The following HCN4 variants were observed in gnomAD, a reference collection of about 807,000 sequenced individuals.
The protein encoded by HCN4 is potassium/sodium hyperpolarization-activated cyclic nucleotide-gated channel 4.
A neutral mutation model predicts 76.9 loss-of-function variants in HCN4; 29 were observed. The ratio of observed to expected loss-of-function variants is 0.38; its 90% CI spans 0.28 to 0.51. The LOEUF is 0.51. Ranked by LOEUF, HCN4 falls within the 20% of genes least tolerant of loss-of-function variation. The probability of loss-of-function intolerance (pLI) is 0.90; values close to 1 mark genes in which losing one functional copy is unlikely to be tolerated. For synonymous variants in HCN4, 772 were observed against 762.5 expected (o/e 1.01, Z -0.21); for missense variants, 1,416 against 1,715.2 (o/e 0.83, Z 3.08).
At chr15:73,352,488 G>T (rs2043059150) in intron 1 of HCN4, among the ~76,000 whole-genome samples, 2 of 152,198 alleles carry the variant, frequency 1.3e-5, no homozygotes, top group African/African-American at 4.8e-5. Context: ...CATTGAAAGT[G>T]GGGGAGAAGG....
intron 1 of HCN4, among the ~76,000 whole-genome samples, chr15:73,349,771 T>C (rs1285000242): frequency 6.6e-6 from 1 of 152,212 alleles, no homozygotes; most frequent in African/African-American, 2.4e-5. Flanking sequence ...ACCTCCTGCC[T>C]GTGGCAGAAA....
In HCN4 at chr15:73,368,150, G is replaced by T; in HGVS notation, c.121C>A (p.Gln41Lys). 1 of 1,522,884 alleles carries T rather than the reference G, an allele frequency of 6.6e-7. No individual in the cohort carries two copies. 94.3% of individuals were successfully genotyped at this position (1,522,884 alleles called of 1,614,324 possible). ...CGGATGCTCCTGCGGCTGGGGTCTT[G>T]GCGGCCCCCGGCCCCCTCCTCCTCG... is the stretch of plus-strand genomic sequence containing the variant. ...DAEEEGAGGR[Q>K]DPSRRSIRLR... Residue 41 changes from glutamine to lysine, a missense_variant, in exon 1 of 8, where the codon CAA (glutamine) becomes AAA (lysine). Gln to Lys is a moderately conservative substitution (Grantham distance 53). This residue lies in a region of HCN4 where 355 missense variants were observed against 347.8 expected (regional missense o/e 1.02). Coordinates refer to ENST00000261917, the MANE Select transcript of HCN4 (RefSeq NM_005477.3). This position sits in a 1 kb window ranked among gnomAD's most constrained non-coding sequence, Gnocchi z 6.9.
chr15:73,323,899 C>T lies in HCN4; in HGVS notation c.2194G>A (p.Gly732Ser), dbSNP rs199530458. The part of the protein sequence containing the change: ...LHKVQHDLNS[G>S]VFNYQENEII... ...TCATTCTCCTGGTAGTTGAAGACGC[C>T]GGAGTTGAGGTCGTGCTGGACTTTG... is the stretch of plus-strand genomic sequence containing the variant. The change falls in exon 8 of 8, where the codon GGC (glycine) becomes AGC (serine). Residue 732 changes from glycine (G) to serine (S), a missense_variant. Coordinates refer to ENST00000261917, the MANE Select transcript of HCN4 (RefSeq NM_005477.3). The T allele has an allele frequency of 1.0e-5, 16 of 1,603,718 alleles. No homozygotes were observed. The highest frequency in any genetic ancestry group is 1.6e-4 in the Middle Eastern group (1 of 6,084).
intron 2 of HCN4, among the ~76,000 whole-genome samples, chr15:73,342,549 G>C (rs187340296): frequency 1.3e-5 from 2 of 152,190 alleles, no homozygotes; most frequent in Non-Finnish European, 2.9e-5. Context: ...CAACTCCAAG[G>C]TGTGGCGCAC....
intron 3 of HCN4, 44 bp downstream of exon 3, chr15:73,332,087 G>A: frequency 1.3e-6 from 2 of 1,599,086 alleles, no homozygotes; most frequent in Non-Finnish European, 1.7e-6. Context: ...CCTCTGGAGA[G>A]CCCGCCTATG....
At position 73,323,421 on chromosome 15, in the gene HCN4, G is replaced by C. The variant is rs768190354; in HGVS notation, c.2672C>G (p.Ser891Trp). 6.2e-7 allele frequency: 1 copy of C among 1,606,822 alleles called. No homozygotes were observed. Among genetic ancestry groups the C allele is most frequent in the Non-Finnish European group, 8.5e-7 (1 of 1,177,386 alleles). ...SPPPGACGSP[S>W]APTPSAGVAA... ...TACGCCAGCTGATGGTGTGGGAGCC[G>C]AGGGGGAGCCACAGGCCCCGGGGGG... The change falls in exon 8 of 8, where the codon TCG becomes TGG. Residue 891 changes from serine to tryptophan, a missense_variant. Ser to Trp is a radical substitution (Grantham distance 177). Coordinates refer to ENST00000261917, the MANE Select transcript of HCN4 (RefSeq NM_005477.3).
rs2151215701 is a variant in HCN4, at chr15:73,325,511, C to CTCGGCAGGCACCACA, written c.1591-82_1591-68dup. 1 of 1,548,888 alleles carries CTCGGCAGGCACCACA rather than the reference C, an allele frequency of 6.5e-7. No homozygotes were observed. On this transcript the variant is annotated intron_variant, in intron 4 of 7. Transcript: ENST00000261917. This position sits in a 1 kb window ranked among gnomAD's most constrained non-coding sequence, Gnocchi z 7.4. ...GGGCGTCAGCAGCCAGCCCCACCAC[C>CTCGGCAGGCACCACA]TCGGCAGGCACCACATCCGGGCACC... is the stretch of plus-strand genomic sequence containing the variant.
chr15:73,365,680 G>A (rs1261080526), intron 1 of HCN4, among the ~76,000 whole-genome samples: 2 of 152,192 alleles, frequency 1.3e-5, no homozygotes, highest in South Asian at 2.1e-4. Context: ...GAAGGTCCCC[G>A]GCCAATGCTT....
intron 1 of HCN4, among the ~76,000 whole-genome samples, chr15:73,354,276 G>T (rs2043068124): frequency 6.6e-6 from 1 of 152,224 alleles, no homozygotes; most frequent in Non-Finnish European, 1.5e-5. Flanking sequence ...CCTGGGCTGA[G>T]GTCCTGCCTG....
Position 73,325,538 on chromosome 15 carries a change from A to G in HCN4, c.1591-94T>C. The G allele has an allele frequency of 7.9e-7, 1 of 1,273,446 alleles. No individual in the cohort carries two copies. The highest frequency in any genetic ancestry group is 1.1e-6 in the Non-Finnish European group (1 of 871,058). The allele number at this position is 1,273,446 out of a possible 1,614,324, so 78.9% of individuals were successfully genotyped here. On this transcript the variant is annotated intron_variant, in intron 4 of 7. Transcript: ENST00000261917. The surrounding 1 kb of genome is among the most constrained non-coding windows in gnomAD (Gnocchi z 7.4). ...CGGCAGGCACCACATCCGGGCACCC[A>G]CCCCGGGGGATTTCCTGGCTAAACT... is the stretch of plus-strand genomic sequence containing the variant.
chr15:73,361,542 C>G (rs757306137), intron 1 of HCN4, among the ~76,000 whole-genome samples: 14 of 152,294 alleles, frequency 9.2e-5, no homozygotes, highest in Non-Finnish European at 1.8e-4. Context: ...TTGTAAGAGC[C>G]CTTGAGCCAA....
intron 2 of HCN4, among the ~76,000 whole-genome samples, chr15:73,337,814 C>T (rs948880295): frequency 6.6e-6 from 1 of 152,092 alleles, no homozygotes; most frequent in Non-Finnish European, 1.5e-5. Flanking sequence ...GGGAACCTAC[C>T]CTTGTCCCTG....
chr15:73,332,081 T>C, intron 3 of HCN4, 50 bp downstream of exon 3: 1 of 1,595,684 alleles, frequency 6.3e-7, no homozygotes, highest in Non-Finnish European at 8.6e-7. Flanking sequence ...ACCCTACCTC[T>C]GGAGAGCCCG....
chr15:73,341,640 G>T (rs766246085), intron 2 of HCN4, among the ~76,000 whole-genome samples: 1 of 152,194 alleles, frequency 6.6e-6, no homozygotes, highest in Non-Finnish European at 1.5e-5. Flanking sequence ...ACTACACCGG[G>T]GTGGGACAGC....
At chr15:73,355,126 G>A (rs553580401) in intron 1 of HCN4, among the ~76,000 whole-genome samples, 7 of 152,334 alleles carry the variant, frequency 4.6e-5, no homozygotes, top group African/African-American at 1.4e-4. Flanking sequence ...GGATGCAGGC[G>A]CCCAAGTAGG....
Position 73,322,601 on chromosome 15 carries a change from AG to A in HCN4, c.3491del (p.Pro1164LeufsTer17). 6.2e-7 allele frequency: 1 copy of A among 1,611,560 alleles called. No homozygotes were observed. The highest frequency in any genetic ancestry group is 8.5e-7 in the Non-Finnish European group (1 of 1,179,202). On this transcript the variant is annotated frameshift_variant, in exon 8 of 8. Coordinates refer to ENST00000261917, the MANE Select transcript of HCN4 (RefSeq NM_005477.3). LOFTEE classifies it high-confidence loss of function. ...RKTSSGSLPP[P>X]LSLFGARATS... Reference sequence around the variant, plus strand: ...TGGCTCTTGCCCCAAACAAAGACAGAGGGGGTGGCAAAGAACCTGAGGATGT... The same window carrying A: ...TGGCTCTTGCCCCAAACAAAGACAGAGGGGTGGCAAAGAACCTGAGGATGT...
chr15:73,323,134 C>A lies in HCN4; in HGVS notation c.2959G>T (p.Ala987Ser). The A allele has an allele frequency of 6.3e-7, 1 of 1,592,088 alleles. No homozygotes were observed. Among genetic ancestry groups the A allele is most frequent in the Non-Finnish European group, 8.5e-7 (1 of 1,170,946 alleles). Residue 987 changes from alanine (A) to serine (S), a missense_variant, in exon 8 of 8, where the codon GCC (alanine) becomes TCC (serine). Transcript: ENST00000261917. Reference protein sequence around the residue: ...QPPGELSLGLATGPLSTPETP... With the variant: ...QPPGELSLGLSTGPLSTPETP... ...TCTGGCGTGCTCAGTGGGCCAGTGGCCAGACCTAGGGACAACTCCCCGGGA... is the reference window on the plus strand; with the variant it reads ...TCTGGCGTGCTCAGTGGGCCAGTGGACAGACCTAGGGACAACTCCCCGGGA...
In HCN4 at chr15:73,332,123, G is replaced by A. The variant is rs199838832; in HGVS notation, c.1371+8C>T. Reference sequence around the variant, plus strand: ...GCCCAGAGAGAGGACCGGGCTGGGCGCACTCACCACCATGTTGTTGATGGA... The same window carrying A: ...GCCCAGAGAGAGGACCGGGCTGGGCACACTCACCACCATGTTGTTGATGGA... On this transcript the variant is annotated splice_region_variant and intron_variant, in intron 3 of 7. Transcript: ENST00000261917. 1.9e-3 allele frequency: 3,128 copies of A among 1,613,294 alleles called. 26 individuals are homozygous for A. Among genetic ancestry groups the A allele is most frequent in the South Asian group, 0.017 (1,590 of 91,036 alleles).
In HCN4 at chr15:73,323,719, C is replaced by A. The variant is rs756650627; in HGVS notation, c.2374G>T (p.Ala792Ser). 4.7e-5 allele frequency: 75 copies of A among 1,601,426 alleles called. No homozygotes were observed. Among genetic ancestry groups the A allele is most frequent in the Non-Finnish European group, 5.9e-5 (69 of 1,174,252 alleles). Residue 792 changes from alanine (A) to serine (S), a missense_variant, in exon 8 of 8, where the codon GCC (alanine) becomes TCC (serine). Physicochemically the swap from Ala to Ser is moderately conservative, Grantham distance 99 (BLOSUM62 1). This residue lies in a region of HCN4 where 633 missense variants were observed against 579.8 expected (regional missense o/e 1.09). Coordinates refer to ENST00000261917, the MANE Select transcript of HCN4 (RefSeq NM_005477.3). ...LQAAAATTSV[A>S]IALTHHPRLP... ...CGAGGGTGGTGGGTGAGGGCTATGG[C>A]CACAGAAGTGGTGGCAGCGGCAGCC... is the stretch of plus-strand genomic sequence containing the variant.
Sources: gnomAD v4.1 joint callset for allele counts (sites outside exome capture counted in the v4.1 genomes callset) on GRCh38, gnomAD v4.1.1 for gene constraint, gnomAD v4.1.1 regional missense constraint, Gnocchi (gnomAD v3.1) non-coding constraint, MANE v1.5 for transcripts, NCBI Gene and HGNC (gene_info 2026-07-23, HGNC 2026-07-21) for gene names.